Variants in CNTN5 observed in about 807,000 individuals in gnomAD.
CNTN5 encodes contactin 5, also known as contactin-5.
A neutral mutation model predicts 129.1 loss-of-function variants in CNTN5; 77 were observed. The ratio of observed to expected loss-of-function variants is 0.60; its 90% CI spans 0.50 to 0.72. CNTN5 has a LOEUF of 0.72. Among genes scored for constraint, CNTN5 ranks in the 30% least tolerant of loss-of-function variants. The pLI is 0.00. For synonymous variants in CNTN5, 509 were observed against 465.6 expected (o/e 1.09, Z -1.20); for missense variants, 1,478 against 1,328.8 (o/e 1.11, Z -1.75).
chr11:99,633,384 AG>A (rs1275496300), intron 3 of CNTN5, among the ~76,000 whole-genome samples: 1 of 152,248 alleles, frequency 6.6e-6, no homozygotes, highest in Non-Finnish European at 1.5e-5. Flanking sequence ...AGATCTAAAA[AG>A]GAGACATTTC....
At chr11:100,264,737 G>T (rs1425785508) in intron 17 of CNTN5, among the ~76,000 whole-genome samples, 1 of 151,994 alleles carries the variant, frequency 6.6e-6, no homozygotes, top group East Asian at 1.9e-4. Flanking sequence ...TATTCCTTTG[G>T]GTATGTACCC....
chr11:99,461,074 T>C (rs1944680478), intron 2 of CNTN5, among the ~76,000 whole-genome samples: 1 of 152,018 alleles, frequency 6.6e-6, no homozygotes, highest in Non-Finnish European at 1.5e-5. Flanking sequence ...TCAAAACATA[T>C]ATGAATCTTA....
intron 2 of CNTN5, among the ~76,000 whole-genome samples, chr11:99,462,694 A>G (rs1195991401): frequency 3.3e-5 from 5 of 152,138 alleles, no homozygotes; most frequent in South Asian, 2.1e-4. Flanking sequence ...AACACCTGAA[A>G]CCTATACTGT....
intron 3 of CNTN5, among the ~76,000 whole-genome samples, chr11:99,650,432 C>T (rs1164345527): frequency 6.6e-6 from 1 of 151,916 alleles, no homozygotes; most frequent in Non-Finnish European, 1.5e-5. Flanking sequence ...TTATACTAAT[C>T]ATCTCTGCTA....
At chr11:100,194,952 T>A (rs1197926386) in intron 15 of CNTN5, among the ~76,000 whole-genome samples, 2 of 152,098 alleles carry the variant, frequency 1.3e-5, no homozygotes, top group East Asian at 3.9e-4. Context: ...AACTACATTG[T>A]TCACCATCTC....
intron 9 of CNTN5, among the ~76,000 whole-genome samples, chr11:100,003,415 C>T (rs1940000345): frequency 6.6e-6 from 1 of 151,984 alleles, no homozygotes; most frequent in Admixed American, 6.6e-5. Flanking sequence ...TGAAAATGTC[C>T]CAAGTAAGAA....
chr11:99,800,924 T>C (rs1946095170), intron 3 of CNTN5, among the ~76,000 whole-genome samples: 1 of 152,126 alleles, frequency 6.6e-6, no homozygotes, highest in South Asian at 2.1e-4. Context: ...CCTTCTGTCT[T>C]CAAGATTAAT....
intron 4 of CNTN5, among the ~76,000 whole-genome samples, chr11:99,827,256 T>A (rs79480332): frequency 2.0e-3 from 301 of 151,998 alleles, no homozygotes; most frequent in African/African-American, 6.9e-3. Flanking sequence ...CTCAGCTAAT[T>A]TTTGTGTTTT....
chr11:99,700,043 T>C (rs1204120079), intron 3 of CNTN5, among the ~76,000 whole-genome samples: 1 of 151,486 alleles, frequency 6.6e-6, no homozygotes, highest in African/African-American at 2.4e-5. Context: ...TTGGCCTCCA[T>C]GGTTCCACAG....
At chr11:100,142,760 T>C (rs1473452906) in intron 13 of CNTN5, among the ~76,000 whole-genome samples, 2 of 150,702 alleles carry the variant, frequency 1.3e-5, no homozygotes, top group African/African-American at 4.9e-5. Flanking sequence ...ATGATGTCAT[T>C]TTTTTTTTAC....
intron 21 of CNTN5, among the ~76,000 whole-genome samples, chr11:100,316,260 G>A (rs1374593983): frequency 2.0e-5 from 3 of 152,156 alleles, no homozygotes; most frequent in Non-Finnish European, 4.4e-5. Flanking sequence ...ATAATGGAAT[G>A]TTGGATGATT....
chr11:100,031,363 G>A (rs937364491), intron 9 of CNTN5, among the ~76,000 whole-genome samples: 1 of 152,158 alleles, frequency 6.6e-6, no homozygotes, highest in Non-Finnish European at 1.5e-5. Context: ...ATGAGTGGAC[G>A]TGCAGTCAGG....
At chr11:100,333,885 A>G (rs1242068920) in intron 21 of CNTN5, among the ~76,000 whole-genome samples, 2 of 152,214 alleles carry the variant, frequency 1.3e-5, no homozygotes, top group African/African-American at 2.4e-5. Flanking sequence ...CAAATACTTC[A>G]TGACCAAGAA....
intron 22 of CNTN5, 141 bp from the exon 23 acceptor site, chr11:100,340,952 T>G: frequency 1.5e-6 from 1 of 674,422 alleles, no homozygotes; most frequent in South Asian, 1.9e-5. Context: ...AAAACCCTCC[T>G]TATCTGACTC....
chr11:99,192,292 G>A (rs1186123414), intron 1 of CNTN5, among the ~76,000 whole-genome samples: 1 of 151,738 alleles, frequency 6.6e-6, no homozygotes, highest in Non-Finnish European at 1.5e-5. Flanking sequence ...TGGATAAAAT[G>A]CCTAGACACA....
chr11:99,929,739 A>T lies in CNTN5; in HGVS notation c.673+13590A>T, dbSNP rs1950148942. 2.0e-5 allele frequency among the ~76,000 whole-genome samples: 3 copies of T among 152,156 alleles called. No individual in the cohort carries two copies. In the South Asian group the frequency reaches 6.2e-4, roughly 32 times the overall value. ...TCCTCCACTGGTTCCCTCCTAAGAC[A>T]TGTGGAGATTATGGGAGCTACAATT... On this transcript the variant is annotated intron_variant, in intron 7 of 24. Coordinates refer to ENST00000524871, the MANE Select transcript of CNTN5 (RefSeq NM_014361.4).
intron 8 of CNTN5, among the ~76,000 whole-genome samples, chr11:99,992,931 C>T (rs150503602): frequency 0.012 from 1,821 of 152,192 alleles, 23 homozygotes; most frequent in Middle Eastern, 0.075. Context: ...GGGAAAGAAA[C>T]GGAGACACAC....
chr11:100,212,481 G>A (rs182626653), intron 15 of CNTN5, among the ~76,000 whole-genome samples: 1 of 152,228 alleles, frequency 6.6e-6, no homozygotes, highest in East Asian at 1.9e-4. Context: ...TAATTTAAAT[G>A]GGTGCTGCCA....
intron 3 of CNTN5, among the ~76,000 whole-genome samples, chr11:99,768,964 T>A (rs1428976039): frequency 1.3e-5 from 2 of 152,142 alleles, no homozygotes; most frequent in African/African-American, 4.8e-5. Flanking sequence ...ATAAAAACTT[T>A]CTAATTACAT....
Sources: allele counts gnomAD v4.1 joint callset (sites outside exome capture counted in the v4.1 genomes callset), GRCh38; gene constraint gnomAD v4.1.1; transcripts MANE v1.5; gene names NCBI Gene and HGNC (gene_info 2026-07-23, HGNC 2026-07-21).